DHRS2: variants seen among roughly 807,000 people sequenced by gnomAD.
The protein encoded by DHRS2 is dehydrogenase/reductase SDR family member 2, mitochondrial.
Under a neutral mutation model 26.3 loss-of-function variants are expected in DHRS2, and 29 were observed. The observed-to-expected ratio is 1.10, with a 90% CI of 0.82 to 1.50. The LOEUF is 1.50. Ranked by LOEUF, DHRS2 falls within the 40% of genes most tolerant of loss-of-function variation. The pLI is 0.00. For missense variants in DHRS2, 439 were observed against 367.1 expected (o/e 1.20, Z -1.60); for synonymous variants, 164 against 151.3 (o/e 1.08, Z -0.62).
chr14:23,643,350 T>C, intron 5 of DHRS2, 131 bp downstream of exon 5: 1 of 793,838 alleles, frequency 1.3e-6, no homozygotes, highest in Non-Finnish European at 2.1e-6. Flanking sequence ...CCTCATCTTC[T>C]TGTCCTGCCT....
rs17095372 is a variant in DHRS2, at chr14:23,640,059, C to A, written c.420+164C>A. 1.8e-3 allele frequency: 1,275 copies of A among 704,646 alleles called. 23 individuals are homozygous for A. The African/African-American group carries it at 0.022, about 12-fold the overall frequency. The allele number at this position is 704,646 out of a possible 1,614,324, so 43.6% of individuals were successfully genotyped here. On this transcript the variant is annotated intron_variant, in intron 4 of 8. Transcript: ENST00000250383. ...GGCCAGCTGTCTCCCAAAATGTGCC[C>A]GGATGCTACTTTCTGGCTTGTTGGT...
intron 7 of DHRS2, 46 bp downstream of exon 7, chr14:23,644,589 A>T (rs553855960): frequency 6.2e-7 from 1 of 1,614,028 alleles, no homozygotes; most frequent in East Asian, 2.2e-5. Context: ...GCTCAGTGGG[A>T]ACCCTTCCCA....
At chr14:23,639,044 G>C in intron 2 of DHRS2, 40 bp downstream of exon 2, 1 of 1,601,930 alleles carries the variant, frequency 6.2e-7, no homozygotes, top group Non-Finnish European at 8.5e-7. Flanking sequence ...CCCCTCACAG[G>C]GTCCTTGTGG....
intron 2 of DHRS2, 38 bp from the exon 3 acceptor site, chr14:23,639,141 G>T: frequency 6.2e-7 from 1 of 1,607,160 alleles, no homozygotes; most frequent in Non-Finnish European, 8.5e-7. Flanking sequence ...AGTGGAGAGA[G>T]GCTGAGGCTG....
At chr14:23,643,616 G>A (rs957380994) in intron 5 of DHRS2, 75 of 268,678 alleles carry the variant, frequency 2.8e-4, no homozygotes, top group African/African-American at 1.5e-3. Flanking sequence ...TCATGCCTGC[G>A]CTTGGTCTCC....
At chr14:23,637,584 G>C (rs1215469022) in intron 1 of DHRS2, among the ~76,000 whole-genome samples, 1 of 152,082 alleles carries the variant, frequency 6.6e-6, no homozygotes. Flanking sequence ...ACACGGGTAA[G>C]TTCCCAATAC....
chr14:23,636,689 GGTGAGACTATTGCCAAGCA>G lies in DHRS2; in HGVS notation c.-104_-86del, dbSNP rs1315074431. 2.6e-5 allele frequency: 4 copies of G among 152,306 alleles called. No individual in the cohort carries two copies. The highest frequency in any genetic ancestry group is 4.8e-5 in the African/African-American group (2 of 41,558). The allele number at this position is 152,306 out of a possible 1,614,324, so 9.4% of individuals were successfully genotyped here. On this transcript the variant is annotated 5_prime_UTR_variant, in exon 1 of 9. Coordinates refer to ENST00000250383, the MANE Select transcript of DHRS2 (RefSeq NM_005794.4). ...AAGAGACTGTCACCTATCACCAAGTGGTGAGACTATTGCCAAGCAGTGAGACTATTGCCAAGTGGTGAGA... is the reference window on the plus strand; with the variant it reads ...AAGAGACTGTCACCTATCACCAAGTGGTGAGACTATTGCCAAGTGGTGAGA...
intron 1 of DHRS2, among the ~76,000 whole-genome samples, chr14:23,637,560 A>G (rs937429299): frequency 6.6e-6 from 1 of 152,132 alleles, no homozygotes; most frequent in African/African-American, 2.4e-5. Context: ...TTTGGGGCAT[A>G]ACATCTTTAT....
chr14:23,641,651 A>T, intron 4 of DHRS2: 1 of 1,289,692 alleles, frequency 7.8e-7, no homozygotes, highest in East Asian at 5.6e-5. Context: ...CTAATCCTCA[A>T]TTCCTTCTTA....
upstream of DHRS2, among the ~76,000 whole-genome samples, chr14:23,633,172 C>T (rs145718173): frequency 6.6e-6 from 1 of 152,218 alleles, no homozygotes; most frequent in African/African-American, 2.4e-5. Context: ...TCTCCCATGC[C>T]AGATCCTCTC....
chr14:23,643,937 G>T, intron 5 of DHRS2, 174 bp from the exon 6 acceptor site: 1 of 659,412 alleles, frequency 1.5e-6, no homozygotes. Context: ...GCTCTGCCGT[G>T]TATTGGCTGG....
Position 23,644,496 on chromosome 14 carries a change from G to A in DHRS2, c.628G>A (p.Val210Ile), listed in dbSNP as rs374911651. Residue 210 changes from valine (V) to isoleucine (I), a missense_variant, in exon 7 of 9, where the codon GTA (valine) becomes ATA (isoleucine). By Grantham distance (29) the Val-to-Ile change is conservative (BLOSUM62 3). Transcript: ENST00000250383. ...GGAGCTGGCCCCCAAGGACATCCGG[G>A]TAAACTGCGTGGTTCCAGGAATTAT... ...ALELAPKDIR[V>I]NCVVPGIIKT... 8 of 1,614,230 alleles carry A rather than the reference G, an allele frequency of 5.0e-6. No homozygotes were observed. In the South Asian group the frequency reaches 6.6e-5, roughly 13 times the overall value.
At chr14:23,631,741 C>T (rs1890123972), upstream of DHRS2, among the ~76,000 whole-genome samples, 1 of 152,102 alleles carries the variant, frequency 6.6e-6, no homozygotes, top group African/African-American at 2.4e-5. Context: ...CCATTCTAAG[C>T]TCCCAGGACC....
intron 5 of DHRS2, chr14:23,643,478 C>T: frequency 4.1e-6 from 2 of 484,506 alleles, no homozygotes; most frequent in Non-Finnish European, 7.5e-6. Context: ...CAAGGCTATG[C>T]TTTAACTCCT....
At chr14:23,632,070 C>A (rs183367681), upstream of DHRS2, among the ~76,000 whole-genome samples, 130 of 152,346 alleles carry the variant, frequency 8.5e-4, no homozygotes, top group Non-Finnish European at 1.4e-3. Flanking sequence ...GACAGCCAGA[C>A]TTGCTGAGCT....
chr14:23,637,405 G>A lies in DHRS2; in HGVS notation c.-39+633G>A, dbSNP rs1890372889. On this transcript the variant is annotated intron_variant, in intron 1 of 8. Transcript: ENST00000250383. The stretch of plus-strand genomic sequence containing the variant: ...AATTTTAGAATCCCTCCTCAGATAA[G>A]CAGGTCTAACAAAAGCTATTCCTGA... Among the ~76,000 whole-genome samples the A allele has an allele frequency of 2.0e-5, 3 of 152,174 alleles. No homozygotes were observed. The South Asian group carries it at 6.2e-4, about 31-fold the overall frequency.
At chr14:23,639,389 G>A (rs766862965) in intron 3 of DHRS2, 33 bp downstream of exon 3, 8 of 1,543,058 alleles carry the variant, frequency 5.2e-6, no homozygotes, top group Non-Finnish European at 7.0e-6. Context: ...GACACAGAGA[G>A]GGGAACATGC....
At chr14:23,634,842 TAGTG>T (rs1282546134), upstream of DHRS2, among the ~76,000 whole-genome samples, 11 of 152,140 alleles carry the variant, frequency 7.2e-5, no homozygotes, top group South Asian at 2.1e-4. Context: ...GCTCTTGTGA[TAGTG>T]AGTGAGTTCT....
chr14:23,643,587 G>A (rs1025154790), intron 5 of DHRS2: 1 of 286,370 alleles, frequency 3.5e-6, no homozygotes, highest in Non-Finnish European at 6.7e-6. Flanking sequence ...ATAGGAAAAA[G>A]CCTGTCCCAG....
Sources: gnomAD v4.1 joint callset for allele counts (sites outside exome capture counted in the v4.1 genomes callset) on GRCh38, gnomAD v4.1.1 for gene constraint, MANE v1.5 for transcripts, NCBI Gene and HGNC (gene_info 2026-07-23, HGNC 2026-07-21) for gene names.